STK31: variants seen among roughly 807,000 people sequenced by gnomAD.
STK31 encodes the protein serine/threonine kinase 31.
STK31 carries 89 observed loss-of-function variants against 129.7 expected under a neutral mutation model. The observed-to-expected ratio is 0.69, with a 90% CI of 0.58 to 0.82. STK31 has a LOEUF of 0.82. STK31 is among the 40% of genes least tolerant of loss of function. The probability of loss-of-function intolerance (pLI) is 0.00; values close to 1 mark genes in which losing one functional copy is unlikely to be tolerated. For missense variants in STK31, 1,187 were observed against 1,176.4 expected (o/e 1.01, Z -0.13); for synonymous variants, 448 against 395.3 (o/e 1.13, Z -1.58).
intron 21 of STK31, among the ~76,000 whole-genome samples, chr7:23,789,237 A>G (rs928310991): frequency 2.0e-5 from 3 of 152,090 alleles, no homozygotes; most frequent in Admixed American, 2.0e-4. Flanking sequence ...CTTATTGGTT[A>G]TATGAATAAT....
rs1175131469 is a variant in STK31, at chr7:23,783,656, A to G, written c.2141A>G (p.Lys714Arg). The G allele has an allele frequency of 6.2e-7, 1 of 1,610,190 alleles. No homozygotes were observed. Among genetic ancestry groups the G allele is most frequent in the Non-Finnish European group, 8.5e-7 (1 of 1,178,634 alleles). The change falls in exon 17 of 24, where the codon AAA (lysine) becomes AGA (arginine). Residue 714 changes from lysine (K) to arginine (R), a missense_variant. Physicochemically the swap from Lys to Arg is conservative, Grantham distance 26. Coordinates refer to ENST00000355870, the MANE Select transcript of STK31 (RefSeq NM_031414.5). Reference protein sequence around the residue: ...PLLHPEIGLLKYMNSGGLLTM... With the variant: ...PLLHPEIGLLRYMNSGGLLTM... ...CTTCATCCTGAAATAGGATTACTCAAATACATGGTAAACTTTGTTTCCCTT... is the reference window on the plus strand; with the variant it reads ...CTTCATCCTGAAATAGGATTACTCAGATACATGGTAAACTTTGTTTCCCTT...
intron 10 of STK31, among the ~76,000 whole-genome samples, chr7:23,759,314 C>A (rs1007988666): frequency 1.3e-5 from 2 of 152,200 alleles, no homozygotes; most frequent in Non-Finnish European, 2.9e-5. Context: ...TACCCCAAAT[C>A]AACTGAATAT....
At chr7:23,731,021 T>TTACA (rs1235596685) in intron 6 of STK31, among the ~76,000 whole-genome samples, 1 of 150,596 alleles carries the variant, frequency 6.6e-6, no homozygotes, top group African/African-American at 2.4e-5. Context: ...ATAGCTGGAA[T>TTACA]TACAGGCACC....
chr7:23,774,151 T>C (rs920244243), intron 15 of STK31, among the ~76,000 whole-genome samples: 1 of 152,234 alleles, frequency 6.6e-6, no homozygotes, highest in African/African-American at 2.4e-5. Context: ...ATGGTGTATA[T>C]GTGCCACATA....
intron 23 of STK31, among the ~76,000 whole-genome samples, chr7:23,822,496 T>C (rs1468574972): frequency 1.3e-5 from 2 of 152,186 alleles, no homozygotes; most frequent in Non-Finnish European, 2.9e-5. Context: ...TATCCTGCGA[T>C]TTACTATATT....
chr7:23,769,091 A>G lies in STK31; in HGVS notation c.1513A>G (p.Lys505Glu), dbSNP rs961880942. The G allele has an allele frequency of 5.6e-6, 9 of 1,613,332 alleles. No individual in the cohort carries two copies. Among genetic ancestry groups the G allele is most frequent in the Non-Finnish European group, 7.6e-6 (9 of 1,179,486 alleles). The change falls in exon 12 of 24, where the codon AAA becomes GAA. Residue 505 changes from lysine to glutamate, a missense_variant. Around this residue, in one of 5 missense-constraint regions of STK31, gnomAD observed 975 missense variants for 934.9 expected, o/e 1.04. Coordinates refer to ENST00000355870, the MANE Select transcript of STK31 (RefSeq NM_031414.5). ...LKKFYDWKCD[K>E]REEFTSVRSE... ...AAAATTTTATGACTGGAAGTGTGATAAAAGAGAGGAGTTCACCAGTGTTAG... is the reference window on the plus strand; with the variant it reads ...AAAATTTTATGACTGGAAGTGTGATGAAAGAGAGGAGTTCACCAGTGTTAG...
intron 4 of STK31, among the ~76,000 whole-genome samples, chr7:23,719,690 G>T (rs1786570659): frequency 6.6e-6 from 1 of 152,056 alleles, no homozygotes. Flanking sequence ...GTATAAAACA[G>T]ATACCTTCCA....
intron 10 of STK31, among the ~76,000 whole-genome samples, chr7:23,756,420 T>C (rs1166589896): frequency 6.6e-6 from 1 of 152,216 alleles, no homozygotes; most frequent in Non-Finnish European, 1.5e-5. Context: ...GATTTCTAAA[T>C]ATAAAATCAT....
At chr7:23,804,698 C>G (rs1792588149) in intron 22 of STK31, among the ~76,000 whole-genome samples, 1 of 152,156 alleles carries the variant, frequency 6.6e-6, no homozygotes, top group Non-Finnish European at 1.5e-5. Context: ...ACGTGAGACC[C>G]AAACCTTTAT....
chr7:23,714,032 C>A (rs546547688), intron 3 of STK31, among the ~76,000 whole-genome samples: 1 of 152,230 alleles, frequency 6.6e-6, no homozygotes, highest in East Asian at 1.9e-4. Flanking sequence ...TATGATGTTA[C>A]AATGGCTAGG....
rs1785854899 is a variant in STK31 at position 23,710,324 on chromosome 7, G to A, written c.39G>A (p.Thr13=). The change falls in exon 1 of 24, where the codon ACG becomes ACA. Residue 13 remains threonine (T), a synonymous_variant. Transcript: ENST00000355870. ...VQGHSSRASA[T]ESVSFSGIVQ... The stretch of plus-strand genomic sequence containing the variant: ...GTCACTCTTCTAGAGCTTCCGCAAC[G>A]GAAAGTGTGAGGTCAGTAGTAGTTT... The A allele has an allele frequency of 6.2e-7, 1 of 1,613,456 alleles. No homozygotes were observed. The highest frequency in any genetic ancestry group is 1.1e-5 in the South Asian group (1 of 90,786).
chr7:23,717,178 T>G (rs2128062578), intron 3 of STK31, among the ~76,000 whole-genome samples: 1 of 146,458 alleles, frequency 6.8e-6, no homozygotes, highest in East Asian at 2.1e-4. Flanking sequence ...ATCTTTTATT[T>G]CCCAGTTTGA....
At chr7:23,748,053 T>G (rs2128089239) in intron 8 of STK31, among the ~76,000 whole-genome samples, 1 of 152,350 alleles carries the variant, frequency 6.6e-6, no homozygotes, top group Non-Finnish European at 1.5e-5. Flanking sequence ...ATTATTAATA[T>G]TAGTTTCTTT....
intron 10 of STK31, among the ~76,000 whole-genome samples, chr7:23,761,664 T>A (rs1584401532): frequency 6.6e-6 from 1 of 151,604 alleles, no homozygotes; most frequent in East Asian, 1.9e-4. Flanking sequence ...TGCCTCGGCC[T>A]CCCAAAGTGC....
chr7:23,818,696 C>T (rs1297273879), intron 23 of STK31, among the ~76,000 whole-genome samples: 2 of 152,112 alleles, frequency 1.3e-5, no homozygotes, highest in Non-Finnish European at 2.9e-5. Flanking sequence ...ACGATCTCAG[C>T]TCACTGCAGC....
chr7:23,797,355 A>T (rs1372904112), intron 22 of STK31, among the ~76,000 whole-genome samples: 6 of 152,096 alleles, frequency 3.9e-5, no homozygotes, highest in Non-Finnish European at 1.5e-5. Flanking sequence ...AATTGACCAC[A>T]TTATTGGAAG....
At chr7:23,742,796 C>T (rs963221268) in intron 8 of STK31, among the ~76,000 whole-genome samples, 1 of 151,954 alleles carries the variant, frequency 6.6e-6, no homozygotes, top group South Asian at 2.1e-4. Context: ...TCTGATTCTT[C>T]CCTGTGGAAA....
At chr7:23,801,163 G>T (rs1050315514) in intron 22 of STK31, among the ~76,000 whole-genome samples, 1 of 152,132 alleles carries the variant, frequency 6.6e-6, no homozygotes, top group African/African-American at 2.4e-5. Flanking sequence ...TACTGTTTTT[G>T]ATTTTCACCT....
At chr7:23,714,796 A>G (rs1786200045) in intron 3 of STK31, among the ~76,000 whole-genome samples, 1 of 151,558 alleles carries the variant, frequency 6.6e-6, no homozygotes. Context: ...TTTTTTTTGT[A>G]AAGGATCAGA....
Sources: allele counts gnomAD v4.1 joint callset (sites outside exome capture counted in the v4.1 genomes callset), GRCh38; gene constraint gnomAD v4.1.1; regional missense constraint gnomAD v4.1.1; transcripts MANE v1.5; gene names NCBI Gene and HGNC (gene_info 2026-07-23, HGNC 2026-07-21).